GALNT3: variants seen among roughly 807,000 people sequenced by gnomAD.
The protein encoded by GALNT3 is GalNAc transferase 3.
In GALNT3, 51 loss-of-function variants were observed where a neutral mutation model predicts 69.8. The observed-to-expected ratio is 0.73, with a 90% CI of 0.58 to 0.92. The LOEUF (loss-of-function observed/expected upper bound fraction) is 0.92. Ranked by LOEUF, GALNT3 falls within the 40% of genes least tolerant of loss-of-function variation. GALNT3 has a pLI of 0.00. For synonymous variants in GALNT3, 265 were observed against 248.5 expected (o/e 1.07, Z -0.63); for missense variants, 711 against 760.0 (o/e 0.94, Z 0.76).
chr2:165,774,627 C>T lies in GALNT3; in HGVS notation c.-108-3819G>A, dbSNP rs530704486. ...AATTAGTAGGTTTTAGTTTGGGATG[C>T]TTCTGATAAAGGAGTCAAGGAAAGC... On this transcript the variant is annotated intron_variant, in intron 1 of 10. Transcript: ENST00000392701. Among the ~76,000 whole-genome samples, 4 of 152,054 alleles carry T rather than the reference C, an allele frequency of 2.6e-5. No homozygotes were observed. The South Asian group carries it at 8.3e-4, about 32-fold the overall frequency.
At chr2:165,766,164 T>C (rs1688639548) in intron 2 of GALNT3, among the ~76,000 whole-genome samples, 1 of 152,184 alleles carries the variant, frequency 6.6e-6, no homozygotes, top group South Asian at 2.1e-4. Context: ...TTTGCTCCAA[T>C]AATTTGATCT....
chr2:165,779,776 G>A (rs927709492), intron 1 of GALNT3, among the ~76,000 whole-genome samples: 6 of 152,086 alleles, frequency 3.9e-5, no homozygotes, highest in African/African-American at 7.2e-5. Flanking sequence ...GAAAAAATAC[G>A]CAAACCTACA....
At chr2:165,778,157 CAG>C (rs1300225202) in intron 1 of GALNT3, among the ~76,000 whole-genome samples, 2 of 152,164 alleles carry the variant, frequency 1.3e-5, no homozygotes, top group African/African-American at 4.8e-5. Context: ...GTCACAAACT[CAG>C]GGGCTCACAT....
At chr2:165,760,227 A>T (rs1427610102) in intron 4 of GALNT3, among the ~76,000 whole-genome samples, 2 of 152,190 alleles carry the variant, frequency 1.3e-5, no homozygotes, top group Non-Finnish European at 1.5e-5. Flanking sequence ...AGTAATTGAA[A>T]TTTTCATTTA....
chr2:165,781,261 T>C (rs1683101332), intron 1 of GALNT3, among the ~76,000 whole-genome samples: 1 of 152,096 alleles, frequency 6.6e-6, no homozygotes, highest in Non-Finnish European at 1.5e-5. Flanking sequence ...TGTAAACAGG[T>C]TGAGGTAGCA....
intron 1 of GALNT3, among the ~76,000 whole-genome samples, chr2:165,783,520 T>C (rs1032683132): frequency 1.3e-5 from 2 of 152,194 alleles, no homozygotes; most frequent in African/African-American, 4.8e-5. Flanking sequence ...CCTCCATCTC[T>C]CAGCTTCCAT....
At position 165,757,232 on chromosome 2, in the gene GALNT3, C is replaced by T. The variant is rs757287453; in HGVS notation, c.1207G>A (p.Gly403Arg). The change falls in exon 7 of 11, where the codon GGG becomes AGG. Residue 403 changes from glycine to arginine, a missense_variant. Gly to Arg is a moderately radical substitution (Grantham distance 125). Transcript: ENST00000392701. ...GAGCAAGGCATAATCTCCAACTGCC[C>T]ACCACATTGCCATACCTGATAATTA... is the stretch of plus-strand genomic sequence containing the variant. ...EMSFRVWQCG[G>R]QLEIMPCSVV... 2 of 1,613,850 alleles carry T rather than the reference C, an allele frequency of 1.2e-6. No individual in the cohort carries two copies. The highest frequency in any genetic ancestry group is 1.1e-5 in the South Asian group (1 of 91,078).
At chr2:165,775,928 A>C (rs1182027345) in intron 1 of GALNT3, among the ~76,000 whole-genome samples, 3 of 152,238 alleles carry the variant, frequency 2.0e-5, no homozygotes, top group Non-Finnish European at 4.4e-5. Flanking sequence ...TTCTTGATGT[A>C]AATGAATAGA....
intron 1 of GALNT3, among the ~76,000 whole-genome samples, chr2:165,774,017 G>A (rs1688800950): frequency 6.6e-6 from 1 of 152,134 alleles, no homozygotes; most frequent in Admixed American, 6.6e-5. Context: ...AAGATCCTAA[G>A]GCTTAGGATT....
chr2:165,776,623 G>C (rs1207393565), intron 1 of GALNT3, among the ~76,000 whole-genome samples: 1 of 152,076 alleles, frequency 6.6e-6, no homozygotes, highest in Non-Finnish European at 1.5e-5. Flanking sequence ...GAAATTCAGA[G>C]ACCTGGTTTT....
intron 1 of GALNT3, among the ~76,000 whole-genome samples, chr2:165,779,074 A>C (rs1683042826): frequency 6.6e-6 from 1 of 152,194 alleles, no homozygotes; most frequent in Non-Finnish European, 1.5e-5. Flanking sequence ...TGTGGGGAAC[A>C]CCAACTCTAG....
rs148293638 is a variant in GALNT3 at position 165,788,466 on chromosome 2, GGTGTGTGT to G, written c.-109+5541_-109+5548del. Among the ~76,000 whole-genome samples, 260 of 139,600 alleles carry G rather than the reference GGTGTGTGT, an allele frequency of 1.9e-3. 2 individuals are homozygous for G. The highest frequency in any genetic ancestry group is 5.6e-3 in the African/African-American group (212 of 37,608). 91.6% of individuals were successfully genotyped at this position (139,600 alleles called of 152,430 possible). On this transcript the variant is annotated intron_variant, in intron 1 of 10. Transcript: ENST00000392701. ...GCATGTTTTGCAAATAATCCAAAAG[GGTGTGTGT>G]GTGTGTGTGTGTGTGTGTGTGTGTG... is the stretch of plus-strand genomic sequence containing the variant.
rs1335186077 is a variant in GALNT3, at chr2:165,752,813, TA to T, written c.1626+1813del. 3.3e-5 allele frequency among the ~76,000 whole-genome samples: 5 copies of T among 152,226 alleles called. No homozygotes were observed. In the East Asian group the frequency reaches 9.6e-4, roughly 29 times the overall value. On this transcript the variant is annotated intron_variant, in intron 9 of 10. Transcript: ENST00000392701. ...AATTTTTACAAGCATAGATCAGTGT[TA>T]TTTCCAAAGAATGCAATTATTTATG... is the stretch of plus-strand genomic sequence containing the variant.
At chr2:165,750,270 T>C (rs1688335861) in intron 9 of GALNT3, among the ~76,000 whole-genome samples, 1 of 152,184 alleles carries the variant, frequency 6.6e-6, no homozygotes, top group Non-Finnish European at 1.5e-5. Context: ...AAAGGTGTTT[T>C]CACTAAACTA....
chr2:165,768,872 T>C (rs1230439296), intron 2 of GALNT3, among the ~76,000 whole-genome samples: 1 of 150,478 alleles, frequency 6.6e-6, no homozygotes, highest in East Asian at 2.0e-4. Context: ...CTCCGCTCAC[T>C]TCAACCTCTG....
chr2:165,755,435 T>A (rs1456856183), intron 7 of GALNT3, among the ~76,000 whole-genome samples: 1 of 152,152 alleles, frequency 6.6e-6, no homozygotes, highest in East Asian at 1.9e-4. Flanking sequence ...ATCTGCAAAG[T>A]GAGGTGTCAG....
chr2:165,768,945 G>A (rs1688698096), intron 2 of GALNT3, among the ~76,000 whole-genome samples: 1 of 151,170 alleles, frequency 6.6e-6, no homozygotes, highest in African/African-American at 2.4e-5. Context: ...CAGGCACACG[G>A]CACCCTGTCC....
At chr2:165,778,256 G>A (rs568600131) in intron 1 of GALNT3, among the ~76,000 whole-genome samples, 47 of 152,204 alleles carry the variant, frequency 3.1e-4, no homozygotes, top group Non-Finnish European at 6.2e-4. Flanking sequence ...ATACTACAGA[G>A]TAGAGGAATT....
At chr2:165,778,473 G>A (rs981036002) in intron 1 of GALNT3, among the ~76,000 whole-genome samples, 8 of 152,162 alleles carry the variant, frequency 5.3e-5, no homozygotes, top group Non-Finnish European at 1.2e-4. Flanking sequence ...AAGAGGATTG[G>A]AGTAACAGGA....
Sources: gnomAD v4.1 joint callset for allele counts (sites outside exome capture counted in the v4.1 genomes callset) on GRCh38, gnomAD v4.1.1 for gene constraint, MANE v1.5 for transcripts, NCBI Gene and HGNC (gene_info 2026-07-23, HGNC 2026-07-21) for gene names.